Variants in TTC23 observed in about 807,000 individuals in gnomAD.
TTC23 encodes tetratricopeptide repeat domain 23, also known as tetratricopeptide repeat protein 23.
Under a neutral mutation model 55.1 loss-of-function variants are expected in TTC23, and 58 were observed. The observed-to-expected ratio is 1.05, with a 90% CI of 0.85 to 1.31. The LOEUF is 1.31. Ranked by LOEUF, TTC23 falls within the 50% of genes most tolerant of loss-of-function variation. The pLI is 0.00. For missense variants in TTC23, 516 were observed against 534.4 expected, an observed-to-expected ratio of 0.97 and a Z score of 0.34; for synonymous variants, 203 against 199.9, an observed-to-expected ratio of 1.02 and a Z score of -0.13.
intron 10 of TTC23, among the ~76,000 whole-genome samples, chr15:99,166,710 C>T (rs1475299751): frequency 6.6e-6 from 1 of 152,190 alleles, no homozygotes; most frequent in African/African-American, 2.4e-5. Context: ...TCCCTGGCTT[C>T]TCTAAGGTTT....
At chr15:99,217,418 A>G (rs1188904195) in intron 8 of TTC23, among the ~76,000 whole-genome samples, 1 of 152,176 alleles carries the variant, frequency 6.6e-6, no homozygotes, top group African/African-American at 2.4e-5. Flanking sequence ...CAGCCTCCCA[A>G]AGTGCTGGGA....
chr15:99,220,103 T>C (rs2077800665), intron 6 of TTC23, among the ~76,000 whole-genome samples: 1 of 152,198 alleles, frequency 6.6e-6, no homozygotes, highest in Non-Finnish European at 1.5e-5. Flanking sequence ...CTGAACTCAA[T>C]TTACTGGAGG....
chr15:99,143,132 G>A (rs2068441381), intron 12 of TTC23, among the ~76,000 whole-genome samples: 1 of 152,166 alleles, frequency 6.6e-6, no homozygotes, highest in African/African-American at 2.4e-5. Context: ...GTAAGAGCAG[G>A]CACCAAGGCT....
intron 12 of TTC23, among the ~76,000 whole-genome samples, chr15:99,142,114 C>T (rs566615963): frequency 6.6e-6 from 1 of 152,252 alleles, no homozygotes; most frequent in South Asian, 2.1e-4. Flanking sequence ...GGAACTTTGA[C>T]TAAGCTCCGT....
In TTC23 at chr15:99,138,030, G is replaced by A. The variant is rs1555487979; in HGVS notation, c.1324C>T (p.Pro442Ser). The change falls in exon 14 of 14, where the codon CCC (proline) becomes TCC (serine). Residue 442 changes from proline (P) to serine (S), a missense_variant. Transcript: ENST00000394132. ...GGGCCTCAGTCTGCTGTTGTGCCGG[G>A]CCGGGCCTTCCCCAGCAGGGTGTCC... ...PQDTLLGKAR[P>S]GTTAD The A allele has an allele frequency of 1.2e-6, 2 of 1,613,958 alleles. No individual in the cohort carries two copies. Among genetic ancestry groups the A allele is most frequent in the Non-Finnish European group, 1.7e-6 (2 of 1,180,012 alleles).
At chr15:99,141,761 A>G (rs1454624698) in intron 12 of TTC23, among the ~76,000 whole-genome samples, 1 of 152,206 alleles carries the variant, frequency 6.6e-6, no homozygotes, top group Non-Finnish European at 1.5e-5. Context: ...TGAATGTTTC[A>G]GTCTGAGGAA....
intron 5 of TTC23, among the ~76,000 whole-genome samples, chr15:99,226,642 C>T (rs2078445673): frequency 6.6e-6 from 1 of 152,200 alleles, no homozygotes; most frequent in African/African-American, 2.4e-5. Context: ...CTTGCAGCTT[C>T]TTCTCCTTGC....
chr15:99,221,855 C>T lies in TTC23; in HGVS notation c.190G>A (p.Ala64Thr), dbSNP rs1198516477. The T allele has an allele frequency of 2.5e-6, 4 of 1,613,948 alleles. No homozygotes were observed. Among genetic ancestry groups the T allele is most frequent in the Admixed American group, 1.7e-5 (1 of 60,006 alleles). Reference sequence around the variant, plus strand: ...ACGCAACGCACAAGCTCATGGACGGCCTGTTTGTACTGTTAGGAAGAGAAA... The same window carrying T: ...ACGCAACGCACAAGCTCATGGACGGTCTGTTTGTACTGTTAGGAAGAGAAA... ...SYSNSHEYKQ[A>T]VHELVRCVAL... Residue 64 changes from alanine to threonine, a missense_variant, in exon 6 of 14, where the codon GCC becomes ACC. Transcript: ENST00000394132.
intron 12 of TTC23, among the ~76,000 whole-genome samples, chr15:99,154,188 A>G (rs2070227446): frequency 6.6e-6 from 1 of 152,250 alleles, no homozygotes; most frequent in African/African-American, 2.4e-5. Flanking sequence ...AAATTCTTTC[A>G]GTGCATGAAA....
intron 8 of TTC23, among the ~76,000 whole-genome samples, chr15:99,209,211 A>G (rs187513708): frequency 6.6e-6 from 1 of 152,366 alleles, no homozygotes; most frequent in Non-Finnish European, 1.5e-5. Flanking sequence ...CTAAGGCAAC[A>G]GAGTTTCCTT....
chr15:99,241,963 C>T (rs952264444), intron 2 of TTC23, among the ~76,000 whole-genome samples: 3 of 152,082 alleles, frequency 2.0e-5, no homozygotes, highest in Non-Finnish European at 2.9e-5. Flanking sequence ...GTCAAAACCC[C>T]GTCTCCACTA....
At chr15:99,190,396 C>T (rs2075145381) in intron 9 of TTC23, among the ~76,000 whole-genome samples, 1 of 151,780 alleles carries the variant, frequency 6.6e-6, no homozygotes, top group African/African-American at 2.4e-5. Flanking sequence ...CCTCAGCCTC[C>T]CAAGTAGCTG....
At chr15:99,219,162 A>G in intron 6 of TTC23, 114 bp from the exon 7 acceptor site, 1 of 1,210,890 alleles carries the variant, frequency 8.3e-7, no homozygotes, top group South Asian at 1.6e-5. Context: ...GTCAAATGAC[A>G]CATGGAGACG....
At chr15:99,156,122 C>G in intron 12 of TTC23, 26 bp downstream of exon 12, 1 of 1,613,960 alleles carries the variant, frequency 6.2e-7, no homozygotes, top group East Asian at 2.2e-5. Context: ...AGCCTAGTCT[C>G]GTGTTAGTAC....
chr15:99,228,900 T>C (rs537908683), intron 4 of TTC23, among the ~76,000 whole-genome samples, 168 bp from the exon 5 acceptor site: 2 of 152,168 alleles, frequency 1.3e-5, no homozygotes, highest in African/African-American at 4.8e-5. Context: ...TCAACTAAAT[T>C]AAACCTTCTT....
chr15:99,143,880 G>C (rs2068521367), intron 12 of TTC23, among the ~76,000 whole-genome samples: 2 of 152,206 alleles, frequency 1.3e-5, no homozygotes, highest in African/African-American at 4.8e-5. Flanking sequence ...TGCTAAGTGA[G>C]TGATTAAATA....
rs73469374 is a variant in TTC23, at chr15:99,233,771, T to C, written c.-21+1217A>G. On this transcript the variant is annotated intron_variant, in intron 4 of 13. Transcript: ENST00000394132. Reference sequence around the variant, plus strand: ...TTTAGATTTAAATCTAAAATACAGATTTATTGAGCTATATTTATGATAAAG... The same window carrying C: ...TTTAGATTTAAATCTAAAATACAGACTTATTGAGCTATATTTATGATAAAG... 9.8e-3 allele frequency among the ~76,000 whole-genome samples: 1,497 copies of C among 152,296 alleles called. 28 individuals are homozygous for C. The highest frequency in any genetic ancestry group is 0.034 in the African/African-American group (1,412 of 41,554).
intron 9 of TTC23, among the ~76,000 whole-genome samples, chr15:99,197,227 C>T (rs1300807442): frequency 2.0e-5 from 3 of 152,062 alleles, no homozygotes; most frequent in Non-Finnish European, 4.4e-5. Flanking sequence ...CTCAGCCTCC[C>T]GAGTAGCTGG....
At chr15:99,172,837 A>G (rs1308638763) in intron 10 of TTC23, among the ~76,000 whole-genome samples, 1 of 152,222 alleles carries the variant, frequency 6.6e-6, no homozygotes, top group Non-Finnish European at 1.5e-5. Context: ...ATCATTTTCA[A>G]TTTAAGAGAA....
Sources: gnomAD v4.1 joint callset for allele counts (sites outside exome capture counted in the v4.1 genomes callset) on GRCh38, gnomAD v4.1.1 for gene constraint, MANE v1.5 for transcripts, NCBI Gene and HGNC (gene_info 2026-07-23, HGNC 2026-07-21) for gene names.